Variants in DCAF6 observed in about 807,000 individuals in gnomAD.
The protein encoded by DCAF6 is DDB1- and CUL4-associated factor 6.
A neutral mutation model predicts 125.1 loss-of-function variants in DCAF6; 54 were observed. That is an observed-to-expected ratio of 0.43 (90% CI 0.35 to 0.54). The LOEUF (loss-of-function observed/expected upper bound fraction) is 0.54, where lower values mean the gene tolerates loss of function less well. Ranked by LOEUF, DCAF6 falls within the 20% of genes least tolerant of loss-of-function variation. DCAF6 has a pLI of 0.01. For missense variants in DCAF6, 934 were observed against 1,161.7 expected, an observed-to-expected ratio of 0.80 and a Z score of 2.85; for synonymous variants, 371 against 390.4, an observed-to-expected ratio of 0.95 and a Z score of 0.58.
chr1:167,976,473 A>G (rs1014659790), intron 4 of DCAF6, among the ~76,000 whole-genome samples: 2 of 152,248 alleles, frequency 1.3e-5, no homozygotes, highest in African/African-American at 4.8e-5. Context: ...CTGTGTCTCA[A>G]AAATAAAAAA....
intron 4 of DCAF6, 72 bp downstream of exon 4, chr1:167,975,087 G>T: frequency 1.1e-6 from 1 of 928,810 alleles, no homozygotes; most frequent in Non-Finnish European, 1.5e-6. Context: ...TACATGTGTA[G>T]ATGCATGTGT....
the DCAF6 span, among the ~76,000 whole-genome samples, chr1:167,925,506 C>T: frequency 3.2e-5 from 4 of 125,270 alleles, no homozygotes; most frequent in South Asian, 2.5e-4. Flanking sequence ...TATATATATA[C>T]ACATACAAAC....
At chr1:168,005,357 G>T (rs1330299903) in intron 10 of DCAF6, among the ~76,000 whole-genome samples, 1 of 152,022 alleles carries the variant, frequency 6.6e-6, no homozygotes, top group Non-Finnish European at 1.5e-5. Flanking sequence ...CTTGATGCTA[G>T]TGAAAATAAC....
upstream of DCAF6, among the ~76,000 whole-genome samples, chr1:167,932,793 A>G (rs1368739462): frequency 2.0e-5 from 3 of 148,074 alleles, no homozygotes; most frequent in Non-Finnish European, 4.5e-5. Flanking sequence ...TAGGGAACAG[A>G]GCAAGACTCT....
the DCAF6 span, among the ~76,000 whole-genome samples, chr1:167,909,442 A>G: frequency 6.6e-6 from 1 of 152,208 alleles, no homozygotes; most frequent in South Asian, 2.1e-4. Flanking sequence ...GTTAAACTTT[A>G]GTACAGGCTT....
At chr1:168,025,927 C>G (rs1686283910) in intron 12 of DCAF6, among the ~76,000 whole-genome samples, 1 of 152,216 alleles carries the variant, frequency 6.6e-6, no homozygotes, top group African/African-American at 2.4e-5. Flanking sequence ...AGGCCACTAT[C>G]CCATCATTCA....
chr1:168,071,119 A>G (rs1216977304), intron 21 of DCAF6, among the ~76,000 whole-genome samples: 1 of 152,136 alleles, frequency 6.6e-6, no homozygotes, highest in Non-Finnish European at 1.5e-5. Flanking sequence ...CCCTGCTTCT[A>G]CTTCTCTTGT....
chr1:167,966,555 G>C (rs552839485), intron 2 of DCAF6, 74 bp from the exon 3 acceptor site: 2 of 955,682 alleles, frequency 2.1e-6, no homozygotes, highest in African/African-American at 3.3e-5. Context: ...ATTTTGTACC[G>C]CCAGGTGAGT....
rs370555123 is a variant in DCAF6, at chr1:167,992,964, C to T, written c.689-262C>T. Among the ~76,000 whole-genome samples, 119 of 152,220 alleles carry T rather than the reference C, an allele frequency of 7.8e-4. 1 individual carries two copies. In the South Asian group the frequency reaches 0.023, roughly 29 times the overall value. Reference sequence around the variant, plus strand: ...TTTATAAATCATTTTCCTTGATTAACTCATTTCAACAAAGCATACGTAATC... The same window carrying T: ...TTTATAAATCATTTTCCTTGATTAATTCATTTCAACAAAGCATACGTAATC... On this transcript the variant is annotated intron_variant, in intron 6 of 21. Coordinates refer to ENST00000367840, the MANE Select transcript of DCAF6 (RefSeq NM_001198956.2).
chr1:167,964,327 A>G (rs747207803), intron 2 of DCAF6, among the ~76,000 whole-genome samples: 4 of 152,158 alleles, frequency 2.6e-5, no homozygotes, highest in African/African-American at 9.7e-5. Flanking sequence ...ACAGTATTCT[A>G]GGTTGGTTTT....
At chr1:167,880,370 T>C in the DCAF6 span, 50 of 966,718 alleles carry the variant, frequency 5.2e-5, no homozygotes, top group East Asian at 2.4e-5. Context: ...GGAACAACAG[T>C]TTGAGACACA....
In DCAF6 at chr1:167,987,480, T is replaced by G. The variant is rs751938652; in HGVS notation, c.439-15T>G. On this transcript the variant is annotated splice_polypyrimidine_tract_variant and intron_variant, in intron 4 of 21. Coordinates refer to ENST00000367840, the MANE Select transcript of DCAF6 (RefSeq NM_001198956.2). Reference sequence around the variant, plus strand: ...ATGTTCGTATGATTATCTGCACTTTTCTTTTCATCTTCAGATTATGACTGT... The same window carrying G: ...ATGTTCGTATGATTATCTGCACTTTGCTTTTCATCTTCAGATTATGACTGT... The G allele has an allele frequency of 3.9e-6, 5 of 1,278,654 alleles. No homozygotes were observed. Among genetic ancestry groups the G allele is most frequent in the Non-Finnish European group, 2.3e-6 (2 of 883,568 alleles). 79.2% of individuals were successfully genotyped at this position (1,278,654 alleles called of 1,614,324 possible).
intron 13 of DCAF6, among the ~76,000 whole-genome samples, chr1:168,041,436 A>G (rs1688516737): frequency 6.6e-6 from 1 of 152,106 alleles, no homozygotes; most frequent in South Asian, 2.1e-4. Flanking sequence ...GATAGCATGC[A>G]TAGGAAAGCC....
At chr1:168,043,609 T>A (rs1388348118) in intron 14 of DCAF6, among the ~76,000 whole-genome samples, 1 of 152,154 alleles carries the variant, frequency 6.6e-6, no homozygotes, top group Non-Finnish European at 1.5e-5. Flanking sequence ...ATATGACAAT[T>A]ACATGAAATT....
chr1:168,038,745 C>A (rs2101741150), intron 13 of DCAF6, among the ~76,000 whole-genome samples: 1 of 151,964 alleles, frequency 6.6e-6, no homozygotes, highest in South Asian at 2.1e-4. Flanking sequence ...TGCTGCTCAT[C>A]CTAGAATATT....
chr1:167,909,710 T>G, the DCAF6 span, among the ~76,000 whole-genome samples: 1 of 152,138 alleles, frequency 6.6e-6, no homozygotes. Flanking sequence ...TCCAAAGTGA[T>G]GGTACCAACT....
At chr1:167,918,473 C>T in the DCAF6 span, 1 of 598,744 alleles carries the variant, frequency 1.7e-6, no homozygotes, top group Non-Finnish European at 2.8e-6. Flanking sequence ...AGTAGCTATA[C>T]AGTTGTAAAC....
At chr1:168,066,143 A>G (rs937272357) in intron 19 of DCAF6, among the ~76,000 whole-genome samples, 23 of 152,194 alleles carry the variant, frequency 1.5e-4, no homozygotes, top group Admixed American at 1.3e-4. Flanking sequence ...TAAAAGAACA[A>G]TGAATAAGTG....
chr1:167,884,258 G>A, the DCAF6 span, among the ~76,000 whole-genome samples: 13 of 152,186 alleles, frequency 8.5e-5, no homozygotes, highest in Admixed American at 3.3e-4. Context: ...AAGCATGGCT[G>A]GGGAGGACTC....
Sources: gnomAD v4.1 joint callset for allele counts (sites outside exome capture counted in the v4.1 genomes callset) on GRCh38, gnomAD v4.1.1 for gene constraint, MANE v1.5 for transcripts, NCBI Gene and HGNC (gene_info 2026-07-23, HGNC 2026-07-21) for gene names.